GRK5: variants seen among roughly 807,000 people sequenced by gnomAD.
GRK5 encodes the protein G protein-coupled receptor kinase 5.
In GRK5, 40 loss-of-function variants were observed where a neutral mutation model predicts 78.4. That is an observed-to-expected ratio of 0.51 (90% CI 0.40 to 0.66). GRK5 has a LOEUF of 0.66. Among genes scored for constraint, GRK5 ranks in the 30% least tolerant of loss-of-function variants. The pLI is 0.00. For synonymous variants in GRK5, 289 were observed against 296.8 expected (o/e 0.97, Z 0.27); for missense variants, 598 against 759.9 (o/e 0.79, Z 2.50).
At chr10:119,420,440 G>T (rs559707066) in intron 4 of GRK5, among the ~76,000 whole-genome samples, 9 of 151,368 alleles carry the variant, frequency 5.9e-5, no homozygotes, top group African/African-American at 2.2e-4. Context: ...CAGTACAACC[G>T]AGAGGCATAA....
Position 119,448,125 on chromosome 10 carries a change from G to C in GRK5, c.1269G>C (p.Leu423=). 2.6e-6 allele frequency: 4 copies of C among 1,550,124 alleles called. No individual in the cohort carries two copies. Among genetic ancestry groups the C allele is most frequent in the Non-Finnish European group, 3.5e-6 (4 of 1,154,926 alleles). The stretch of plus-strand genomic sequence containing the variant: ...CTTCATGGGGCTCTCTGTTTCAGCT[G>C]CTCACGAAAGATGCGAAGCAGAGGC... The part of the protein sequence containing the change: ...SEEAKSICKM[L]LTKDAKQRLG... The change falls in exon 13 of 16, where the codon CTG becomes CTC. Residue 423 remains leucine, a splice_region_variant and synonymous_variant. Coordinates refer to ENST00000392870, the MANE Select transcript of GRK5 (RefSeq NM_005308.3).
chr10:119,381,771 A>G (rs1279852769), intron 3 of GRK5, among the ~76,000 whole-genome samples: 1 of 152,100 alleles, frequency 6.6e-6, no homozygotes, highest in Non-Finnish European at 1.5e-5. Context: ...CGCCAGGTGC[A>G]GGGGCCGAGA....
chr10:119,383,829 A>G (rs1851751214), intron 3 of GRK5, among the ~76,000 whole-genome samples: 1 of 152,108 alleles, frequency 6.6e-6, no homozygotes, highest in African/African-American at 2.4e-5. Context: ...TGTTTCTCAG[A>G]GGAGCTGTGA....
intron 1 of GRK5, among the ~76,000 whole-genome samples, chr10:119,323,135 G>A (rs1416988672): frequency 6.6e-6 from 1 of 152,156 alleles, no homozygotes; most frequent in Admixed American, 6.5e-5. Flanking sequence ...AGGTTGCCGG[G>A]AGCTAGGAGG....
At position 119,431,267 on chromosome 10, in the gene GRK5, C is replaced by G. The variant is rs1381624738; in HGVS notation, c.598-120C>G. On this transcript the variant is annotated intron_variant, in intron 7 of 15. Coordinates refer to ENST00000392870, the MANE Select transcript of GRK5 (RefSeq NM_005308.3). This position sits in a 1 kb window ranked among gnomAD's most constrained non-coding sequence, Gnocchi z 4.8. ...AGCCTGGAGCACTCATGAAGCCAGG[C>G]AGGGCCGGCTCTGACCCCATCCATT... The G allele has an allele frequency of 9.3e-6, 11 of 1,186,316 alleles. No homozygotes were observed. The highest frequency in any genetic ancestry group is 1.3e-5 in the Non-Finnish European group (11 of 862,554). 73.5% of individuals were successfully genotyped at this position (1,186,316 alleles called of 1,614,324 possible).
chr10:119,435,725 C>T (rs554785087), intron 8 of GRK5, among the ~76,000 whole-genome samples: 27 of 152,372 alleles, frequency 1.8e-4, no homozygotes, highest in African/African-American at 6.0e-4. Flanking sequence ...TACCTGTTAC[C>T]GGTTCCAAAG....
At chr10:119,285,412 G>A (rs1849831858) in intron 1 of GRK5, among the ~76,000 whole-genome samples, 1 of 152,220 alleles carries the variant, frequency 6.6e-6, no homozygotes, top group South Asian at 2.1e-4. Context: ...GGCAGAGATT[G>A]GAGGAATCTG....
intron 1 of GRK5, among the ~76,000 whole-genome samples, chr10:119,281,976 T>C (rs1020077902): frequency 1.1e-4 from 17 of 152,180 alleles, no homozygotes; most frequent in African/African-American, 3.6e-4. Context: ...CTGTTTCTCA[T>C]TGCCATTGGT....
At chr10:119,392,251 G>T (rs570042158) in intron 3 of GRK5, among the ~76,000 whole-genome samples, 7 of 152,322 alleles carry the variant, frequency 4.6e-5, no homozygotes, top group African/African-American at 1.7e-4. Context: ...CAATGTAATA[G>T]TCTGCATTTT....
rs188504357 is a variant in GRK5, at chr10:119,227,873, C to G, written c.52+19904C>G. Among the ~76,000 whole-genome samples, 14 of 152,220 alleles carry G rather than the reference C, an allele frequency of 9.2e-5. No homozygotes were observed. In the East Asian group the frequency reaches 2.7e-3, roughly 29 times the overall value. On this transcript the variant is annotated intron_variant, in intron 1 of 15. Transcript: ENST00000392870. ...CTGACTAGAGTGTAAATTGGTAAGT[C>G]TTTGTCTCAAGAACATTTTGGTAAT...
At position 119,443,800 on chromosome 10, in the gene GRK5, C is replaced by G. The variant is rs201839369; in HGVS notation, c.1266+48C>G. The G allele has an allele frequency of 3.1e-4, 461 of 1,490,564 alleles. 4 individuals are homozygous for G. The East Asian group carries it at 6.1e-3, about 20-fold the overall frequency. The allele number at this position is 1,490,564 out of a possible 1,614,324, so 92.3% of individuals were successfully genotyped here. The stretch of plus-strand genomic sequence containing the variant: ...CCACCCTCAAGCTGGTGGCTCCCCT[C>G]CCTGGGCCTGGCCCCAGTCTGTCCC... On this transcript the variant is annotated intron_variant, in intron 12 of 15. Transcript: ENST00000392870.
At chr10:119,317,593 G>C (rs568335752) in intron 1 of GRK5, among the ~76,000 whole-genome samples, 1 of 152,232 alleles carries the variant, frequency 6.6e-6, no homozygotes, top group African/African-American at 2.4e-5. Context: ...CTGCCCCTGT[G>C]AGTGGCCCTA....
intron 1 of GRK5, among the ~76,000 whole-genome samples, chr10:119,270,428 T>C (rs1464081233): frequency 6.6e-6 from 1 of 152,254 alleles, no homozygotes; most frequent in Non-Finnish European, 1.5e-5. Flanking sequence ...AGCACTTACA[T>C]TGTATTAGGT....
intron 2 of GRK5, among the ~76,000 whole-genome samples, chr10:119,367,694 G>A (rs546455067): frequency 2.6e-5 from 4 of 152,376 alleles, no homozygotes; most frequent in Admixed American, 6.5e-5. Context: ...ACAGCATGGT[G>A]TTGATAAAGA....
At chr10:119,322,467 G>A (rs961039617) in intron 1 of GRK5, among the ~76,000 whole-genome samples, 1 of 152,256 alleles carries the variant, frequency 6.6e-6, no homozygotes, top group Non-Finnish European at 1.5e-5. Flanking sequence ...CGCGTTGGAT[G>A]TGTCTGTCTT....
rs146371094 is a variant in GRK5 at position 119,429,481 on chromosome 10, A to G, written c.534-894A>G. ...GTTTTAAGCTGATTATTTGTAGCCA[A>G]ACAGACCAGCAATGCAAACCACAAG... On this transcript the variant is annotated intron_variant, in intron 6 of 15. Coordinates refer to ENST00000392870, the MANE Select transcript of GRK5 (RefSeq NM_005308.3). Among the ~76,000 whole-genome samples the G allele has an allele frequency of 2.4e-3, 366 of 151,128 alleles. 1 individual carries two copies. The highest frequency in any genetic ancestry group is 8.3e-3 in the African/African-American group (341 of 41,060).
chr10:119,309,328 G>A (rs921158448), intron 1 of GRK5, among the ~76,000 whole-genome samples: 1 of 152,212 alleles, frequency 6.6e-6, no homozygotes, highest in Non-Finnish European at 1.5e-5. Context: ...GTAGGTCCTC[G>A]ATATGAGTCT....
At chr10:119,395,257 G>C (rs927957964) in intron 3 of GRK5, among the ~76,000 whole-genome samples, 9 of 152,230 alleles carry the variant, frequency 5.9e-5, no homozygotes, top group African/African-American at 2.2e-4. Flanking sequence ...ATTGGATCTT[G>C]GCTCTCCATT....
intron 2 of GRK5, among the ~76,000 whole-genome samples, chr10:119,369,703 G>A (rs568882672): frequency 7.9e-5 from 12 of 152,278 alleles, no homozygotes; most frequent in African/African-American, 1.7e-4. Flanking sequence ...CCTTTTCTGC[G>A]GACGCCTCTT....
Sources: allele counts gnomAD v4.1 joint callset (sites outside exome capture counted in the v4.1 genomes callset), GRCh38; gene constraint gnomAD v4.1.1; non-coding constraint Gnocchi (gnomAD v3.1); transcripts MANE v1.5; gene names NCBI Gene and HGNC (gene_info 2026-07-23, HGNC 2026-07-21).